The following ODF2 variants were observed in gnomAD, a reference collection of about 807,000 sequenced individuals.
The protein encoded by ODF2 is outer dense fiber of sperm tails 2.
A neutral mutation model predicts 110.2 loss-of-function variants in ODF2; 47 were observed. The ratio of observed to expected loss-of-function variants is 0.43; its 90% CI spans 0.34 to 0.54. The LOEUF is 0.54. Ranked by LOEUF, ODF2 falls within the 20% of genes least tolerant of loss-of-function variation. The pLI is 0.03. For synonymous variants in ODF2, 352 were observed against 397.7 expected (o/e 0.89, Z 1.37); for missense variants, 812 against 1,054.5 (o/e 0.77, Z 3.19).
upstream of ODF2, chr9:128,455,922 G>A (rs931603474): frequency 7.2e-7 from 1 of 1,383,372 alleles, no homozygotes; most frequent in Non-Finnish European, 9.4e-7. Flanking sequence ...CCTTGAATGG[G>A]GGGCGAGACC....
chr9:128,456,633 T>G, intron 1 of ODF2: 1 of 1,495,724 alleles, frequency 6.7e-7, no homozygotes, highest in Non-Finnish European at 8.9e-7. Flanking sequence ...CTGCTGCCCG[T>G]CGGCGGCATC....
chr9:128,460,257 C>T (rs1192455211), intron 3 of ODF2: 19 of 1,346,566 alleles, frequency 1.4e-5, no homozygotes, highest in Non-Finnish European at 1.9e-5. Context: ...AGATCCAGCC[C>T]TAAGAACCCT....
rs534991868 is a variant in ODF2 at position 128,498,962 on chromosome 9, C to T, written c.2176-39C>T. The stretch of plus-strand genomic sequence containing the variant: ...CTCTTTGCCAAGTGTTCCCCATGTC[C>T]GGTAAACCAGTCTCATGTCTGGGCC... On this transcript the variant is annotated intron_variant, in intron 19 of 20. Coordinates refer to ENST00000604420, the Ensembl canonical transcript of ODF2. The T allele has an allele frequency of 3.6e-5, 58 of 1,612,142 alleles. No individual in the cohort carries two copies. In the East Asian group the frequency reaches 4.9e-4, roughly 14 times the overall value.
rs1843107502 is a variant in ODF2, at chr9:128,485,027, G to C, written c.1290+141G>C. On this transcript the variant is annotated intron_variant, in intron 12 of 20. Transcript: ENST00000604420. The surrounding 1 kb of genome is among the most constrained non-coding windows in gnomAD (Gnocchi z 5.0). ...GGTGGAAAGGATAGATGGCTGGGGA[G>C]GAGGGAGAGGGAGTTAAGGGGATCA... is the stretch of plus-strand genomic sequence containing the variant. 16 of 876,518 alleles carry C rather than the reference G, an allele frequency of 1.8e-5. No individual in the cohort carries two copies. The South Asian group carries it at 2.3e-4, about 13-fold the overall frequency. The allele number at this position is 876,518 out of a possible 1,614,324, so 54.3% of individuals were successfully genotyped here. A position where few individuals can be genotyped will look rare whatever the true frequency, so the allele number is the denominator to read the frequency against.
At chr9:128,456,893 C>T in intron 1 of ODF2, 3 of 1,284,138 alleles carry the variant, frequency 2.3e-6, no homozygotes, top group South Asian at 1.7e-5. Context: ...TATTGGTCCT[C>T]TCGGGCATCT....
At chr9:128,498,883 G>C (rs1470500380) in intron 19 of ODF2, 118 bp from the exon 20 acceptor site, 3 of 1,356,276 alleles carry the variant, frequency 2.2e-6, no homozygotes, top group Non-Finnish European at 1.0e-6. Flanking sequence ...AGAGAACACA[G>C]TCCACAATGA....
intron 4 of ODF2, among the ~76,000 whole-genome samples, chr9:128,466,334 G>T (rs1837892167): frequency 1.3e-5 from 2 of 151,906 alleles, no homozygotes; most frequent in Admixed American, 1.3e-4. Flanking sequence ...CAGTGTGGTG[G>T]TGTGCACTTG....
chr9:128,457,939 A>ATTT (rs1299999466), intron 2 of ODF2, among the ~76,000 whole-genome samples: 2 of 70,632 alleles, frequency 2.8e-5, no homozygotes, highest in African/African-American at 5.0e-5. Flanking sequence ...ATATATATAT[A>ATTT]TATATTTTTT....
intron 8 of ODF2, 27 bp from the exon 9 acceptor site, chr9:128,481,553 G>C (rs1162254820): frequency 2.5e-6 from 4 of 1,582,066 alleles, no homozygotes; most frequent in Admixed American, 1.7e-5. Flanking sequence ...TTAATGACTT[G>C]ACTTTTTCCT....
In ODF2 at chr9:128,487,807, ACACACAC is replaced by A. The variant is rs1564515447; in HGVS notation, c.1401-82_1401-76del. 367 of 1,382,346 alleles carry A rather than the reference ACACACAC, an allele frequency of 2.7e-4. 1 individual carries two copies. The highest frequency in any genetic ancestry group is 1.3e-3 in the South Asian group (101 of 78,326). 85.6% of individuals were successfully genotyped at this position (1,382,346 alleles called of 1,614,324 possible). A position where few individuals can be genotyped will look rare whatever the true frequency, so the allele number is the denominator to read the frequency against. ...GTCTAAAAAAACAAACAAACAAAAC[ACACACAC>A]ACACACACACACACACACACAAACA... On this transcript the variant is annotated intron_variant, in intron 13 of 20. Coordinates refer to ENST00000604420, the Ensembl canonical transcript of ODF2.
chr9:128,472,772 A>C (rs757466542), intron 6 of ODF2, 141 bp from the exon 7 acceptor site: 1 of 1,312,264 alleles, frequency 7.6e-7, no homozygotes, highest in Non-Finnish European at 1.0e-6. Flanking sequence ...AAGGCCACCC[A>C]GGCCAGAAGG....
At chr9:128,460,332 A>C in intron 3 of ODF2, 1 of 1,434,628 alleles carries the variant, frequency 7.0e-7, no homozygotes, top group South Asian at 1.2e-5. Context: ...TGAGTGGACC[A>C]GAATCTCCCT....
At chr9:128,474,497 A>G (rs1295979440) in intron 8 of ODF2, among the ~76,000 whole-genome samples, 3 of 147,014 alleles carry the variant, frequency 2.0e-5, no homozygotes, top group East Asian at 2.0e-4. Context: ...CATCTTGGGG[A>G]AAAAAAAAAA....
chr9:128,465,726 C>T (rs1288835950), intron 4 of ODF2, among the ~76,000 whole-genome samples: 4 of 143,680 alleles, frequency 2.8e-5, no homozygotes, highest in Non-Finnish European at 6.0e-5. Context: ...GGCGACAGAG[C>T]GAGACTCCGT....
In ODF2 at chr9:128,472,896, C is replaced by CCT. The variant is rs1588838720; in HGVS notation, c.582-17_582-16insCT. ...GGGGGCCTGGGAGGGCTCACAGAGC[C>CCT]GTCTTTCTGGCCCCAGACTTCAGAA... is the stretch of plus-strand genomic sequence containing the variant. On this transcript the variant is annotated splice_polypyrimidine_tract_variant and intron_variant, in intron 6 of 20. Coordinates refer to ENST00000604420, the Ensembl canonical transcript of ODF2. 1.2e-6 allele frequency: 2 copies of CCT among 1,613,538 alleles called. No homozygotes were observed. The highest frequency in any genetic ancestry group is 2.7e-5 in the African/African-American group (2 of 75,040).
In ODF2 at chr9:128,485,257, G is replaced by C; in HGVS notation, c.1291-108G>C. 1 of 656,806 alleles carries C rather than the reference G, an allele frequency of 1.5e-6. No individual in the cohort carries two copies. The highest frequency in any genetic ancestry group is 2.7e-5 in the East Asian group (1 of 36,810). 40.7% of individuals were successfully genotyped at this position (656,806 alleles called of 1,614,324 possible). On this transcript the variant is annotated intron_variant, in intron 12 of 20. Coordinates refer to ENST00000604420, the Ensembl canonical transcript of ODF2. This position sits in a 1 kb window ranked among gnomAD's most constrained non-coding sequence, Gnocchi z 5.0. ...TCTAGAAAGGTGAATTCCAGAATGA[G>C]GTTTAGGTTACCAGGGTGAGAAACC...
chr9:128,468,035 AT>A (rs547240198), intron 4 of ODF2, among the ~76,000 whole-genome samples: 24 of 151,934 alleles, frequency 1.6e-4, no homozygotes, highest in African/African-American at 5.6e-4. Context: ...AAAGTATTGT[AT>A]TTTTTTAATA....
At chr9:128,483,529 G>A (rs1000490666) in intron 10 of ODF2, among the ~76,000 whole-genome samples, 2 of 151,186 alleles carry the variant, frequency 1.3e-5, no homozygotes, top group Non-Finnish European at 2.9e-5. Context: ...GCTGCAATGA[G>A]TCATGGTCAC....
At chr9:128,490,551 T>G (rs1027474106) in intron 14 of ODF2, among the ~76,000 whole-genome samples, 2 of 152,128 alleles carry the variant, frequency 1.3e-5, no homozygotes, top group Admixed American at 1.3e-4. Flanking sequence ...TCCCAAAGTG[T>G]TGGGTTTATA....
Sources: gnomAD v4.1 joint callset for allele counts (sites outside exome capture counted in the v4.1 genomes callset) on GRCh38, gnomAD v4.1.1 for gene constraint, Gnocchi (gnomAD v3.1) non-coding constraint, MANE v1.5 for transcripts, NCBI Gene and HGNC (gene_info 2026-07-23, HGNC 2026-07-21) for gene names.